The following DPP10 variants were observed in gnomAD, a reference collection of about 807,000 sequenced individuals.
DPP10 encodes dipeptidyl peptidase like 10, also known as inactive dipeptidyl peptidase 10.
A neutral mutation model predicts 120.9 loss-of-function variants in DPP10; 33 were observed. That is an observed-to-expected ratio of 0.27 (90% CI 0.21 to 0.37). The LOEUF is 0.37. Ranked by LOEUF, DPP10 falls within the 10% of genes least tolerant of loss-of-function variation. DPP10 has a pLI of 1.00. For synonymous variants in DPP10, 337 were observed against 326.1 expected (o/e 1.03, Z -0.36); for missense variants, 816 against 942.8 (o/e 0.87, Z 1.76).
intron 15 of DPP10, among the ~76,000 whole-genome samples, chr2:115,779,304 A>C (rs1330000985): frequency 6.6e-6 from 1 of 152,124 alleles, no homozygotes; most frequent in Non-Finnish European, 1.5e-5. Context: ...TAGTAGCAAT[A>C]AATTTTCCCT....
chr2:114,497,694 G>T (rs1048559748), intron 1 of DPP10, among the ~76,000 whole-genome samples: 1 of 152,114 alleles, frequency 6.6e-6, no homozygotes, highest in Non-Finnish European at 1.5e-5. Flanking sequence ...AGACTCAGAG[G>T]ATTTAAGTAA....
intron 5 of DPP10, among the ~76,000 whole-genome samples, chr2:115,543,324 T>C (rs1404767706): frequency 6.6e-6 from 1 of 152,060 alleles, no homozygotes; most frequent in African/African-American, 2.4e-5. Context: ...TAAGTCATTT[T>C]GACAGGTCTC....
intron 1 of DPP10, among the ~76,000 whole-genome samples, chr2:114,872,234 A>G (rs1245637640): frequency 6.6e-6 from 1 of 152,048 alleles, no homozygotes; most frequent in Non-Finnish European, 1.5e-5. Context: ...GTGGAAGGGG[A>G]AGCAAACACG....
chr2:114,663,723 G>A (rs1352969766), intron 1 of DPP10, among the ~76,000 whole-genome samples: 1 of 143,384 alleles, frequency 7.0e-6, no homozygotes, highest in Non-Finnish European at 1.5e-5. Context: ...GCTCTCTAGA[G>A]CCACCCTACT....
At chr2:114,615,183 C>G (rs935257339) in intron 1 of DPP10, among the ~76,000 whole-genome samples, 2 of 152,048 alleles carry the variant, frequency 1.3e-5, no homozygotes, top group Non-Finnish European at 2.9e-5. Context: ...GTTTTATTTT[C>G]TAAGTAAAGA....
intron 7 of DPP10, among the ~76,000 whole-genome samples, chr2:115,724,196 C>G (rs2149623361): frequency 6.6e-6 from 1 of 152,238 alleles, no homozygotes; most frequent in Middle Eastern, 3.4e-3. Context: ...TCTTCATAGA[C>G]TTTAATATCA....
At chr2:115,048,369 C>T (rs879940143) in intron 1 of DPP10, among the ~76,000 whole-genome samples, 7 of 152,028 alleles carry the variant, frequency 4.6e-5, no homozygotes, top group Non-Finnish European at 8.8e-5. Flanking sequence ...TTGACACTAT[C>T]GTAGGTCAAG....
At chr2:115,467,221 C>T (rs2074383205) in intron 3 of DPP10, among the ~76,000 whole-genome samples, 1 of 152,040 alleles carries the variant, frequency 6.6e-6, no homozygotes, top group Non-Finnish European at 1.5e-5. Flanking sequence ...CACACACATG[C>T]ACATGTGTAC....
At chr2:115,654,355 G>A (rs557501277) in intron 5 of DPP10, among the ~76,000 whole-genome samples, 5 of 151,802 alleles carry the variant, frequency 3.3e-5, no homozygotes, top group East Asian at 1.9e-4. Context: ...CATTAATAAC[G>A]TTTTCTATTA....
chr2:114,730,893 C>CA (rs1676842820), intron 1 of DPP10, among the ~76,000 whole-genome samples: 1 of 147,648 alleles, frequency 6.8e-6, no homozygotes, highest in South Asian at 2.1e-4. Context: ...CCTGGTCCAG[C>CA]TTTTTTTTTT....
chr2:115,678,731 C>T (rs1172181393), intron 5 of DPP10, among the ~76,000 whole-genome samples: 3 of 152,194 alleles, frequency 2.0e-5, no homozygotes, highest in Non-Finnish European at 2.9e-5. Context: ...GCACCGTGCA[C>T]CTGGAAAAGC....
At chr2:115,625,339 A>C (rs912870353) in intron 5 of DPP10, among the ~76,000 whole-genome samples, 1 of 152,160 alleles carries the variant, frequency 6.6e-6, no homozygotes, top group African/African-American at 2.4e-5. Context: ...AATAAGAGTT[A>C]TAGTGTGCTA....
At chr2:114,457,959 C>T (rs1678673185) in intron 1 of DPP10, among the ~76,000 whole-genome samples, 1 of 152,240 alleles carries the variant, frequency 6.6e-6, no homozygotes, top group Non-Finnish European at 1.5e-5. Flanking sequence ...CAGTGTTAAC[C>T]CAGAAAGCAA....
chr2:115,573,133 A>G (rs1244644074), intron 5 of DPP10, among the ~76,000 whole-genome samples: 1 of 152,170 alleles, frequency 6.6e-6, no homozygotes, highest in Non-Finnish European at 1.5e-5. Context: ...AAACCTATTA[A>G]TATCAAGTAG....
At chr2:115,130,595 G>T (rs1013354295) in intron 1 of DPP10, among the ~76,000 whole-genome samples, 2 of 151,312 alleles carry the variant, frequency 1.3e-5, no homozygotes, top group Non-Finnish European at 1.5e-5. Context: ...TATAAATGAT[G>T]CTTCTGACTT....
intron 1 of DPP10, among the ~76,000 whole-genome samples, chr2:114,673,984 T>C (rs1160205360): frequency 6.6e-6 from 1 of 152,138 alleles, no homozygotes. Context: ...ATTTATACTC[T>C]ATAAGACTGA....
chr2:115,379,699 A>T (rs2066138517), intron 3 of DPP10, among the ~76,000 whole-genome samples: 1 of 151,704 alleles, frequency 6.6e-6, no homozygotes, highest in African/African-American at 2.4e-5. Context: ...TAGTGCTATA[A>T]ATTTCCCTCT....
intron 1 of DPP10, among the ~76,000 whole-genome samples, chr2:115,172,934 T>G (rs1483673051): frequency 6.6e-6 from 1 of 152,174 alleles, no homozygotes; most frequent in Non-Finnish European, 1.5e-5. Context: ...GTATGCAGAT[T>G]ATATAGAGTC....
intron 1 of DPP10, among the ~76,000 whole-genome samples, chr2:115,157,704 C>T (rs954698364): frequency 6.6e-6 from 1 of 152,098 alleles, no homozygotes; most frequent in Non-Finnish European, 1.5e-5. Context: ...ATTCATAAAT[C>T]GAAACCAAAT....
Sources: allele counts gnomAD v4.1 joint callset (sites outside exome capture counted in the v4.1 genomes callset), GRCh38; gene constraint gnomAD v4.1.1; transcripts MANE v1.5; gene names NCBI Gene and HGNC (gene_info 2026-07-23, HGNC 2026-07-21).